The following MRPS9 variants were observed in gnomAD, a reference collection of about 807,000 sequenced individuals.
The protein encoded by MRPS9 is small ribosomal subunit protein uS9m.
In MRPS9, 45 loss-of-function variants were observed where a neutral mutation model predicts 59.9. The ratio of observed to expected loss-of-function variants is 0.75; its 90% CI spans 0.59 to 0.96. The LOEUF (loss-of-function observed/expected upper bound fraction) is 0.96. Ranked by LOEUF, MRPS9 falls within the 40% of genes least tolerant of loss-of-function variation. The probability of loss-of-function intolerance (pLI) is 0.00; values close to 1 mark genes in which losing one functional copy is unlikely to be tolerated. For missense variants in MRPS9, 473 were observed against 481.1 expected (o/e 0.98, Z 0.16); for synonymous variants, 171 against 166.8 (o/e 1.03, Z -0.19).
chr2:105,079,930 G>C lies in MRPS9; in HGVS notation c.410-53G>C, dbSNP rs1680294912. 4 of 1,265,016 alleles carry C rather than the reference G, an allele frequency of 3.2e-6. No individual in the cohort carries two copies. In the South Asian group the frequency reaches 5.4e-5, roughly 17 times the overall value. 78.4% of individuals were successfully genotyped at this position (1,265,016 alleles called of 1,614,324 possible). ...TAACTGTGGTTAAATGCAGCTATTT[G>C]GTCTGTCTCTGTGTATATTTTTATT... On this transcript the variant is annotated intron_variant, in intron 4 of 10. Coordinates refer to ENST00000258455, the MANE Select transcript of MRPS9 (RefSeq NM_182640.3).
At chr2:105,041,528 GTTT>G (rs35362832) in intron 1 of MRPS9, among the ~76,000 whole-genome samples, 2 of 146,268 alleles carry the variant, frequency 1.4e-5, no homozygotes, top group Admixed American at 6.8e-5. Flanking sequence ...TAAAGTATCT[GTTT>G]TTTTTTTTTT....
At chr2:105,080,896 A>C (rs1352432872) in intron 5 of MRPS9, among the ~76,000 whole-genome samples, 1 of 149,738 alleles carries the variant, frequency 6.7e-6, no homozygotes, top group Non-Finnish European at 1.5e-5. Flanking sequence ...TGTCAGGTAC[A>C]TTTATTTCTT....
At chr2:105,050,591 C>A (rs1048123257) in intron 2 of MRPS9, among the ~76,000 whole-genome samples, 11 of 152,078 alleles carry the variant, frequency 7.2e-5, no homozygotes, top group Non-Finnish European at 1.3e-4. Context: ...GTATAAAATA[C>A]CATGAGATGT....
chr2:105,095,671 A>G (rs898005500), intron 9 of MRPS9, among the ~76,000 whole-genome samples: 2 of 150,158 alleles, frequency 1.3e-5, no homozygotes, highest in Admixed American at 1.3e-4. Context: ...CTAGTTTTGT[A>G]TTTTTAGTAG....
At chr2:105,052,651 T>C (rs1679733569) in intron 2 of MRPS9, among the ~76,000 whole-genome samples, 1 of 152,226 alleles carries the variant, frequency 6.6e-6, no homozygotes, top group Admixed American at 6.5e-5. Flanking sequence ...GGAAGTGTTC[T>C]CTCCTCTTCT....
intron 2 of MRPS9, among the ~76,000 whole-genome samples, chr2:105,053,039 AAGGCATG>A (rs1328759217): frequency 6.6e-6 from 1 of 152,198 alleles, no homozygotes; most frequent in Admixed American, 6.5e-5. Context: ...TGGGAGATTA[AAGGCATG>A]AGCCACCACG....
chr2:105,064,204 A>G lies in MRPS9; in HGVS notation c.316-7109A>G, dbSNP rs996986348. Among the ~76,000 whole-genome samples, 6 of 152,144 alleles carry G rather than the reference A, an allele frequency of 3.9e-5. No homozygotes were observed. In the East Asian group the frequency reaches 5.8e-4, roughly 15 times the overall value. The stretch of plus-strand genomic sequence containing the variant: ...TGTGTTTAGGAGAGATCAAGAGGAA[A>G]CTTTCAGAGAGGTAGGAGGGGAATG... On this transcript the variant is annotated intron_variant, in intron 2 of 10. Coordinates refer to ENST00000258455, the MANE Select transcript of MRPS9 (RefSeq NM_182640.3).
At chr2:105,040,004 G>C (rs369570405) in intron 1 of MRPS9, among the ~76,000 whole-genome samples, 2 of 152,144 alleles carry the variant, frequency 1.3e-5, no homozygotes, top group East Asian at 3.8e-4. Context: ...GCACTCTTAA[G>C]GGATGGTCCT....
At chr2:105,082,688 A>C (rs2104462322) in intron 5 of MRPS9, among the ~76,000 whole-genome samples, 1 of 152,236 alleles carries the variant, frequency 6.6e-6, no homozygotes, top group East Asian at 1.9e-4. Context: ...CCAGAAATGA[A>C]GCGTGATAGG....
rs1189398419 is a variant in MRPS9, at chr2:105,072,133, A to AGTTCTCTG, written c.409+644_409+645insGTTCTCTG. ...GTAGTTCTCTGTTAACTTAAAAAGT[A>AGTTCTCTG]TTAAAGCTAGAAATCATTTCTTTAA... On this transcript the variant is annotated intron_variant, in intron 4 of 10. Transcript: ENST00000258455. 5.9e-5 allele frequency among the ~76,000 whole-genome samples: 9 copies of AGTTCTCTG among 152,366 alleles called. No individual in the cohort carries two copies. The East Asian group carries it at 1.7e-3, about 29-fold the overall frequency.
At chr2:105,059,303 A>G (rs747748656) in intron 2 of MRPS9, among the ~76,000 whole-genome samples, 7 of 152,158 alleles carry the variant, frequency 4.6e-5, no homozygotes, top group Admixed American at 1.3e-4. Context: ...AAACTGAAAG[A>G]TTAGGACATC....
chr2:105,042,436 GAGA>G (rs1405862427), intron 1 of MRPS9, among the ~76,000 whole-genome samples: 2 of 152,242 alleles, frequency 1.3e-5, no homozygotes, highest in African/African-American at 4.8e-5. Flanking sequence ...GTAAGCAAGA[GAGA>G]AGAACAGCAG....
intron 5 of MRPS9, among the ~76,000 whole-genome samples, chr2:105,080,718 C>G (rs956574481): frequency 6.6e-6 from 1 of 152,104 alleles, no homozygotes; most frequent in Non-Finnish European, 1.5e-5. Flanking sequence ...ATATCAAGTT[C>G]TATTTTACTC....
At chr2:105,063,100 T>C (rs551562591) in intron 2 of MRPS9, among the ~76,000 whole-genome samples, 1 of 152,216 alleles carries the variant, frequency 6.6e-6, no homozygotes, top group Non-Finnish European at 1.5e-5. Context: ...TGGTTGCTTC[T>C]TTTATCTGAA....
chr2:105,082,579 A>C (rs945852440), intron 5 of MRPS9, among the ~76,000 whole-genome samples: 1 of 152,208 alleles, frequency 6.6e-6, no homozygotes, highest in Non-Finnish European at 1.5e-5. Context: ...TCCTGTTTCC[A>C]GTTGACCTAT....
At chr2:105,065,889 C>T (rs1177123306) in intron 2 of MRPS9, among the ~76,000 whole-genome samples, 1 of 151,972 alleles carries the variant, frequency 6.6e-6, no homozygotes, top group Non-Finnish European at 1.5e-5. Context: ...ACACAGAAAG[C>T]AACATAATTT....
In MRPS9 at chr2:105,077,244, CA is replaced by C. The variant is rs56216293; in HGVS notation, c.410-2727del. On this transcript the variant is annotated intron_variant, in intron 4 of 10. Transcript: ENST00000258455. ...TGGGCAATAGAGGGAGACTCCATCT[CA>C]AAAAAAAAAAAGAAGAAGAAAAGAA... 1.2e-3 allele frequency among the ~76,000 whole-genome samples: 139 copies of C among 115,248 alleles called. 1 individual carries two copies. The highest frequency in any genetic ancestry group is 5.3e-3 in the Middle Eastern group (1 of 188). 75.6% of individuals were successfully genotyped at this position (115,248 alleles called of 152,430 possible).
At chr2:105,081,671 A>ATCAG (rs1680350333) in intron 5 of MRPS9, among the ~76,000 whole-genome samples, 1 of 152,226 alleles carries the variant, frequency 6.6e-6, no homozygotes, top group Non-Finnish European at 1.5e-5. Context: ...CAAGAAACTG[A>ATCAG]TCAGTTTCTA....
intron 10 of MRPS9, chr2:105,098,731 A>G (rs1214805452): frequency 1.3e-5 from 2 of 152,224 alleles, no homozygotes; most frequent in South Asian, 2.1e-4. Flanking sequence ...CCTTTGCTCT[A>G]TGTACATTAA....
Sources: allele counts gnomAD v4.1 joint callset (sites outside exome capture counted in the v4.1 genomes callset), GRCh38; gene constraint gnomAD v4.1.1; transcripts MANE v1.5; gene names NCBI Gene and HGNC (gene_info 2026-07-23, HGNC 2026-07-21).